Variants in DOCK1 observed in about 807,000 individuals in gnomAD.
The protein encoded by DOCK1 is dedicator of cytokinesis 1.
A neutral mutation model predicts 262.7 loss-of-function variants in DOCK1; 138 were observed. The observed-to-expected ratio is 0.53, with a 90% CI of 0.46 to 0.61. The LOEUF is 0.61. Among genes scored for constraint, DOCK1 ranks in the 20% least tolerant of loss-of-function variants. DOCK1 has a pLI of 0.00. For synonymous variants in DOCK1, 866 were observed against 867.4 expected (o/e 1.00, Z 0.03); for missense variants, 1,908 against 2,370.7 (o/e 0.80, Z 4.05).
At chr10:127,063,830 C>T (rs1354382573) in intron 23 of DOCK1, among the ~76,000 whole-genome samples, 2 of 152,148 alleles carry the variant, frequency 1.3e-5, no homozygotes, top group East Asian at 1.9e-4. Flanking sequence ...CCGGGAAGAC[C>T]ATGCTTCAGT....
chr10:127,126,800 A>G (rs1889434), intron 26 of DOCK1, among the ~76,000 whole-genome samples: 114,601 of 152,044 alleles, frequency 0.75, 45,205 homozygotes, highest in South Asian at 0.89. Context: ...CGTTTCCTGC[A>G]TGACCTTGAA....
chr10:127,101,546 C>T (rs868320305), intron 23 of DOCK1, among the ~76,000 whole-genome samples: 16 of 152,188 alleles, frequency 1.1e-4, no homozygotes, highest in South Asian at 4.1e-4. Context: ...TCCATGTCCC[C>T]GCCTCAGGGG....
intron 11 of DOCK1, among the ~76,000 whole-genome samples, chr10:127,010,192 C>T (rs576083198): frequency 7.2e-5 from 11 of 152,298 alleles, no homozygotes; most frequent in South Asian, 4.1e-4. Flanking sequence ...ATGAGCTGGG[C>T]GCAGTGGCTC....
At chr10:127,416,085 C>T (rs1227614080) in intron 44 of DOCK1, among the ~76,000 whole-genome samples, 1 of 152,216 alleles carries the variant, frequency 6.6e-6, no homozygotes. Context: ...GCCGAGCCTT[C>T]TCCTTTGCCC....
chr10:127,447,641 T>C (rs1338166384), intron 51 of DOCK1, 96 bp downstream of exon 51: 2 of 1,505,668 alleles, frequency 1.3e-6, no homozygotes, highest in African/African-American at 1.4e-5. Flanking sequence ...TACTTCGGGC[T>C]AGTGAGCACA....
chr10:127,329,726 CT>C (rs1387973256), intron 29 of DOCK1, among the ~76,000 whole-genome samples: 1 of 152,150 alleles, frequency 6.6e-6, no homozygotes, highest in Non-Finnish European at 1.5e-5. Flanking sequence ...ACCCAAGCTG[CT>C]GCTAAATCCG....
chr10:127,049,132 C>T (rs536041680), intron 21 of DOCK1, among the ~76,000 whole-genome samples: 1 of 152,226 alleles, frequency 6.6e-6, no homozygotes, highest in South Asian at 2.1e-4. Flanking sequence ...TAAAAGGAAA[C>T]TTCAATTGTA....
chr10:127,122,062 T>A (rs907546733), intron 25 of DOCK1, among the ~76,000 whole-genome samples: 1 of 152,234 alleles, frequency 6.6e-6, no homozygotes, highest in African/African-American at 2.4e-5. Flanking sequence ...AGTGTTCCGA[T>A]AACGGGGCAT....
At chr10:127,059,813 C>G (rs2045414440) in intron 22 of DOCK1, among the ~76,000 whole-genome samples, 1 of 152,020 alleles carries the variant, frequency 6.6e-6, no homozygotes, top group African/African-American at 2.4e-5. Flanking sequence ...TCCTCTTTCA[C>G]TTGGACTGTG....
intron 1 of DOCK1, among the ~76,000 whole-genome samples, chr10:126,969,135 A>G (rs12260541): frequency 0.061 from 9,241 of 152,300 alleles, 285 homozygotes; most frequent in Middle Eastern, 0.11. Context: ...ATTGTGCCAG[A>G]TCCAACAGGG....
chr10:127,030,860 A>AAC (rs79323633), intron 16 of DOCK1, among the ~76,000 whole-genome samples: 8,321 of 152,174 alleles, frequency 0.055, 253 homozygotes, highest in Non-Finnish European at 0.068. Flanking sequence ...CACACACATA[A>AAC]ACACAACATC....
intron 1 of DOCK1, among the ~76,000 whole-genome samples, chr10:126,947,692 AGTATTACTGTTGGTGGTGATGGTGGTG>A (rs2035620452): frequency 1.5e-5 from 2 of 132,060 alleles, no homozygotes; most frequent in South Asian, 2.6e-4. Context: ...GGTGGTTGGT[AGTATTACTGTTGGTGGTGATGGTGGTG>A]GTTGGTAGTA....
At chr10:126,930,135 A>C (rs1001180033) in intron 1 of DOCK1, among the ~76,000 whole-genome samples, 45 of 152,184 alleles carry the variant, frequency 3.0e-4, no homozygotes, top group Non-Finnish European at 6.2e-4. Context: ...TTGCTGCTTC[A>C]TTCCTTTCTG....
chr10:127,058,400 C>T (rs916696341), intron 22 of DOCK1, among the ~76,000 whole-genome samples: 1 of 151,830 alleles, frequency 6.6e-6, no homozygotes, highest in Non-Finnish European at 1.5e-5. Flanking sequence ...CTTTCTGTGT[C>T]TTTATACTTA....
chr10:127,264,121 T>C (rs2060273297), intron 29 of DOCK1, among the ~76,000 whole-genome samples: 1 of 152,206 alleles, frequency 6.6e-6, no homozygotes, highest in Non-Finnish European at 1.5e-5. Context: ...TCGTATTGAC[T>C]ACATAGCGTG....
At chr10:127,036,003 AAAATAAATAAATAAATAAAT>A (rs3070212) in intron 18 of DOCK1, among the ~76,000 whole-genome samples, 156 of 139,108 alleles carry the variant, frequency 1.1e-3, no homozygotes, top group African/African-American at 3.8e-3. Flanking sequence ...CCCTGTCTCA[AAAATAAATAAATAAATAAAT>A]AAATAAATAA....
intron 29 of DOCK1, among the ~76,000 whole-genome samples, chr10:127,278,730 T>C (rs1033901735): frequency 6.6e-6 from 1 of 152,194 alleles, no homozygotes; most frequent in African/African-American, 2.4e-5. Context: ...CAAAAAGATG[T>C]GTTGTTTCTT....
chr10:127,120,938 G>A (rs529188985), intron 25 of DOCK1, among the ~76,000 whole-genome samples: 4 of 152,174 alleles, frequency 2.6e-5, no homozygotes, highest in South Asian at 2.1e-4. Context: ...TACACACATC[G>A]TATCATTTAG....
At chr10:127,058,959 G>A (rs2045352977) in intron 22 of DOCK1, among the ~76,000 whole-genome samples, 1 of 151,690 alleles carries the variant, frequency 6.6e-6, no homozygotes, top group Non-Finnish European at 1.5e-5. Context: ...TTTTCCTTTG[G>A]GATCATTTTC....
Sources: allele counts gnomAD v4.1 joint callset (sites outside exome capture counted in the v4.1 genomes callset), GRCh38; gene constraint gnomAD v4.1.1; transcripts MANE v1.5; gene names NCBI Gene and HGNC (gene_info 2026-07-23, HGNC 2026-07-21).